The following SUSD5 variants were observed in gnomAD, a reference collection of about 807,000 sequenced individuals.
SUSD5 encodes the protein sushi domain-containing protein 5.
In SUSD5, 33 loss-of-function variants were observed where a neutral mutation model predicts 29.5. The observed-to-expected ratio is 1.12, with a 90% CI of 0.85 to 1.49. The LOEUF is 1.49. SUSD5 is among the 40% of genes most tolerant of loss of function. The probability of loss-of-function intolerance (pLI) is 0.00; values close to 1 mark genes in which losing one functional copy is unlikely to be tolerated. For synonymous variants in SUSD5, 308 were observed against 325.3 expected, an observed-to-expected ratio of 0.95 and a Z score of 0.57; for missense variants, 776 against 800.6, an observed-to-expected ratio of 0.97 and a Z score of 0.37.
chr3:33,168,385 TA>T, intron 4 of SUSD5: 2 of 460,744 alleles, frequency 4.3e-6, no homozygotes, highest in Non-Finnish European at 5.7e-6. Context: ...AAGGAAATTC[TA>T]AATTCAGTTT....
At chr3:33,170,840 A>G (rs1212542405) in intron 4 of SUSD5, among the ~76,000 whole-genome samples, 1 of 152,222 alleles carries the variant, frequency 6.6e-6, no homozygotes, top group Non-Finnish European at 1.5e-5. Context: ...ATAACACACA[A>G]GGAAGTGAGC....
chr3:33,209,132 CAA>C (rs746482625), intron 2 of SUSD5, among the ~76,000 whole-genome samples: 2 of 152,272 alleles, frequency 1.3e-5, no homozygotes, highest in South Asian at 4.1e-4. Context: ...TTCAAAATAT[CAA>C]AAGTCTTTGG....
At chr3:33,197,174 T>C (rs1441495210) in intron 3 of SUSD5, among the ~76,000 whole-genome samples, 1 of 152,112 alleles carries the variant, frequency 6.6e-6, no homozygotes, top group African/African-American at 2.4e-5. Flanking sequence ...ATCTTGGGGC[T>C]TGCTGCATAG....
intron 4 of SUSD5, among the ~76,000 whole-genome samples, chr3:33,172,347 T>C (rs1332507316): frequency 6.6e-6 from 1 of 152,216 alleles, no homozygotes; most frequent in Non-Finnish European, 1.5e-5. Context: ...AACAACTGCA[T>C]TGCAGTGGGA....
intron 3 of SUSD5, among the ~76,000 whole-genome samples, chr3:33,176,623 A>G (rs1210872813): frequency 6.6e-6 from 1 of 152,204 alleles, no homozygotes; most frequent in African/African-American, 2.4e-5. Flanking sequence ...CAGCTTATCA[A>G]TTATTTCTTT....
intron 4 of SUSD5, among the ~76,000 whole-genome samples, chr3:33,172,181 AC>A: frequency 5.8e-3 from 1 of 172 alleles, no homozygotes. Flanking sequence ...CTCTTGTAAA[AC>A]ACACACACAC....
At chr3:33,161,960 A>C (rs559142835) in intron 4 of SUSD5, among the ~76,000 whole-genome samples, 1 of 152,214 alleles carries the variant, frequency 6.6e-6, no homozygotes, top group Non-Finnish European at 1.5e-5. Flanking sequence ...GATTTGAACA[A>C]CACATTTAAT....
chr3:33,172,671 T>G (rs1024904772), intron 4 of SUSD5, among the ~76,000 whole-genome samples: 2 of 152,266 alleles, frequency 1.3e-5, no homozygotes, highest in African/African-American at 2.4e-5. Flanking sequence ...CAAACTGTGC[T>G]TTCAGCACTT....
chr3:33,171,465 T>C (rs200004467), intron 4 of SUSD5, among the ~76,000 whole-genome samples: 9 of 114,496 alleles, frequency 7.9e-5, no homozygotes, highest in African/African-American at 2.5e-4. Flanking sequence ...TTGTAGGAAA[T>C]TTTTTTAAAA....
rs2030948325 is a variant in SUSD5 at position 33,153,042 on chromosome 3, C to T, written c.1590G>A (p.Gln530=). 6.2e-7 allele frequency: 1 copy of T among 1,613,746 alleles called. No individual in the cohort carries two copies. The highest frequency in any genetic ancestry group is 8.5e-7 in the Non-Finnish European group (1 of 1,179,818). ...CAGACAGCAGGTATGGGAAGCTATC[C>T]TGGATCTCAGGAACAGTGGTTTCTA... The part of the protein sequence containing the change: ...PPVETTVPEI[Q]DSFPYLLSED... The change falls in exon 5 of 5, where the codon CAG becomes CAA. Residue 530 remains glutamine (Q), a synonymous_variant. Coordinates refer to ENST00000309558, the MANE Select transcript of SUSD5 (RefSeq NM_015551.2).
In SUSD5 at chr3:33,167,213, A is replaced by T. The variant is rs55796801; in HGVS notation, c.598+7673T>A. On this transcript the variant is annotated intron_variant, in intron 4 of 4. Coordinates refer to ENST00000309558, the MANE Select transcript of SUSD5 (RefSeq NM_015551.2). This position sits in a 1 kb window ranked among gnomAD's most constrained non-coding sequence, Gnocchi z 4.1. ...ATATATATATATAAATATATATATA[A>T]AACATAAAGTCAAAAGGCACCTGGA... Among the ~76,000 whole-genome samples, 6,332 of 151,172 alleles carry T rather than the reference A, an allele frequency of 0.042. 179 individuals are homozygous for T. Among genetic ancestry groups the T allele is most frequent in the Non-Finnish European group, 0.061 (4,156 of 67,832 alleles).
intron 3 of SUSD5, among the ~76,000 whole-genome samples, chr3:33,188,105 C>A (rs1675321941): frequency 6.6e-6 from 1 of 152,132 alleles, no homozygotes; most frequent in South Asian, 2.1e-4. Flanking sequence ...TTATTTCACT[C>A]ATTTTTCAAT....
intron 3 of SUSD5, among the ~76,000 whole-genome samples, chr3:33,182,182 C>T (rs531646337): frequency 2.6e-5 from 4 of 152,172 alleles, no homozygotes; most frequent in Non-Finnish European, 5.9e-5. Context: ...CTTCTTTGAC[C>T]CATGCATTAT....
chr3:33,175,749 C>T (rs2031539610), intron 3 of SUSD5, among the ~76,000 whole-genome samples: 1 of 151,888 alleles, frequency 6.6e-6, no homozygotes, highest in Non-Finnish European at 1.5e-5. Flanking sequence ...TCCCCTATAC[C>T]CCCGACCCTT....
At chr3:33,206,412 AGTGTGTGT>A (rs5847777) in intron 3 of SUSD5, among the ~76,000 whole-genome samples, 20,608 of 148,486 alleles carry the variant, frequency 0.14, 1,558 homozygotes, top group East Asian at 0.21. Context: ...AATTTACTTG[AGTGTGTGT>A]GTGTGTGTGT....
At chr3:33,158,360 A>G (rs1256073894) in intron 4 of SUSD5, among the ~76,000 whole-genome samples, 1 of 152,218 alleles carries the variant, frequency 6.6e-6, no homozygotes, top group Non-Finnish European at 1.5e-5. Context: ...TGCACACAAC[A>G]CACACCCTCA....
chr3:33,189,423 G>A (rs548413998), intron 3 of SUSD5, among the ~76,000 whole-genome samples: 38 of 144,894 alleles, frequency 2.6e-4, no homozygotes, highest in African/African-American at 9.8e-4. Context: ...GTTGCAGTGA[G>A]CTGAGATCAC....
chr3:33,158,649 C>G (rs748868619), intron 4 of SUSD5, among the ~76,000 whole-genome samples: 1 of 152,186 alleles, frequency 6.6e-6, no homozygotes, highest in Non-Finnish European at 1.5e-5. Flanking sequence ...ACATATTCTG[C>G]GGTACTGCAG....
chr3:33,212,668 G>C (rs1285400523), intron 2 of SUSD5, among the ~76,000 whole-genome samples: 2 of 152,192 alleles, frequency 1.3e-5, no homozygotes, highest in Non-Finnish European at 2.9e-5. Flanking sequence ...CTGTTGGCAA[G>C]AGCCCCTAAA....
Sources: allele counts gnomAD v4.1 joint callset (sites outside exome capture counted in the v4.1 genomes callset), GRCh38; gene constraint gnomAD v4.1.1; non-coding constraint Gnocchi (gnomAD v3.1); transcripts MANE v1.5; gene names NCBI Gene and HGNC (gene_info 2026-07-23, HGNC 2026-07-21).